GMEB1: variants seen among roughly 807,000 people sequenced by gnomAD.
GMEB1 encodes glucocorticoid modulatory element-binding protein 1.
GMEB1 carries 6 observed loss-of-function variants against 52.4 expected under a neutral mutation model. The observed-to-expected ratio is 0.11, with a 90% CI of 0.06 to 0.23. GMEB1 has a LOEUF of 0.23. GMEB1 is among the 10% of genes least tolerant of loss of function. The pLI, the probability that GMEB1 is intolerant of heterozygous loss-of-function variation, is 1.00. For missense variants in GMEB1, 486 were observed against 685.6 expected (o/e 0.71, Z 3.25); for synonymous variants, 255 against 244.9 (o/e 1.04, Z -0.38).
At position 28,710,480 on chromosome 1, in the gene GMEB1, T is replaced by C. The variant is rs548492759; in HGVS notation, c.869-40T>C. 1,296 of 1,515,346 alleles carry C rather than the reference T, an allele frequency of 8.6e-4. 23 individuals are homozygous for C. The South Asian group carries it at 0.016, about 19-fold the overall frequency. The allele number at this position is 1,515,346 out of a possible 1,614,324, so 93.9% of individuals were successfully genotyped here. A position where few individuals can be genotyped will look rare whatever the true frequency, so the allele number is the denominator to read the frequency against. ...GCACAATGGAGAGTGGTGGAACATA[T>C]CTGTTTTAACTGGACAGGCATGTCT... On this transcript the variant is annotated intron_variant, in intron 8 of 9. Coordinates refer to ENST00000373816, the MANE Select transcript of GMEB1 (RefSeq NM_001319674.2).
intron 5 of GMEB1, 68 bp from the exon 6 acceptor site, chr1:28,696,859 C>A: frequency 1.6e-6 from 2 of 1,233,128 alleles, no homozygotes; most frequent in Non-Finnish European, 2.3e-6. Context: ...CCCTATTTTT[C>A]CCTGAGGCCT....
At chr1:28,704,169 C>T (rs1670641283) in intron 7 of GMEB1, 23 bp from the exon 8 acceptor site, 2 of 1,586,670 alleles carry the variant, frequency 1.3e-6, no homozygotes, top group Non-Finnish European at 1.7e-6. Context: ...TTTTTACCCT[C>T]TGTCTTATCC....
chr1:28,677,046 T>G (rs553442270), intron 1 of GMEB1, among the ~76,000 whole-genome samples: 1 of 152,294 alleles, frequency 6.6e-6, no homozygotes, highest in South Asian at 2.1e-4. Context: ...AAATCGAGAC[T>G]TTGTCTCAAA....
intron 6 of GMEB1, among the ~76,000 whole-genome samples, chr1:28,701,676 C>A (rs1670524751): frequency 6.6e-6 from 1 of 152,062 alleles, no homozygotes; most frequent in South Asian, 2.1e-4. Flanking sequence ...TCAGGTGATT[C>A]TCCCACCTCA....
chr1:28,690,702 C>T (rs1035946441), intron 3 of GMEB1, among the ~76,000 whole-genome samples: 6 of 152,122 alleles, frequency 3.9e-5, no homozygotes, highest in South Asian at 2.1e-4. Context: ...AACATCTGGT[C>T]GAGCGCAGTG....
Position 28,673,866 on chromosome 1 carries a change from T to C in GMEB1, c.-31+5027T>C, listed in dbSNP as rs1377089099. 2.7e-5 allele frequency among the ~76,000 whole-genome samples: 4 copies of C among 150,868 alleles called. 1 individual carries two copies. The highest frequency in any genetic ancestry group is 5.9e-5 in the Non-Finnish European group (4 of 67,416). ...TCATGTCTACAAAGAAGTAAAGAAA[T>C]TAGGCCAGGCGTGGTGTCTCATGCC... On this transcript the variant is annotated intron_variant, in intron 1 of 9. Coordinates refer to ENST00000373816, the MANE Select transcript of GMEB1 (RefSeq NM_001319674.2).
At position 28,711,644 on chromosome 1, in the gene GMEB1, G is replaced by A. The variant is rs111959298; in HGVS notation, c.991+1002G>A. Among the ~76,000 whole-genome samples the A allele has an allele frequency of 6.5e-3, 993 of 152,026 alleles. 10 individuals carry two copies. Among genetic ancestry groups the A allele is most frequent in the Middle Eastern group, 0.01 (3 of 294 alleles). ...GCTGTTTTGTATTTTTGGTAGAGAT[G>A]GGGTTTTACCACATTGCCCAGGCTG... On this transcript the variant is annotated intron_variant, in intron 9 of 9. Transcript: ENST00000373816.
chr1:28,709,907 G>C (rs1222963870), intron 8 of GMEB1, among the ~76,000 whole-genome samples: 1 of 152,060 alleles, frequency 6.6e-6, no homozygotes, highest in African/African-American at 2.4e-5. Context: ...TCAGCACTTT[G>C]GGAGGCTGAG....
At chr1:28,680,784 G>A (rs1478648883) in intron 1 of GMEB1, among the ~76,000 whole-genome samples, 1 of 151,168 alleles carries the variant, frequency 6.6e-6, no homozygotes, top group Non-Finnish European at 1.5e-5. Context: ...CAGGCATGGT[G>A]GCTCATCCCA....
At position 28,718,415 on chromosome 1, in the gene GMEB1, TAGCC is replaced by T. The variant is rs1671324724; in HGVS notation, c.*3645_*3648del. ...GAGTTTAAGACTAGCCTGGTCAACA[TAGCC>T]AGACCCCATCTCTATAAAAAAATGT... On this transcript the variant is annotated 3_prime_UTR_variant, in exon 10 of 10. Transcript: ENST00000373816. 6.6e-6 allele frequency: 1 copy of T among 152,172 alleles called. No homozygotes were observed. The highest frequency in any genetic ancestry group is 2.4e-5 in the African/African-American group (1 of 41,440). 9.4% of individuals were successfully genotyped at this position (152,172 alleles called of 1,614,324 possible). A position where few individuals can be genotyped will look rare whatever the true frequency, so the allele number is the denominator to read the frequency against.
intron 1 of GMEB1, among the ~76,000 whole-genome samples, chr1:28,678,681 C>T (rs942034246): frequency 2.0e-5 from 3 of 152,066 alleles, no homozygotes; most frequent in African/African-American, 7.2e-5. Flanking sequence ...TGCAGTGGCA[C>T]GATCTTGGCT....
Position 28,713,568 on chromosome 1 carries a change from ACTT to A in GMEB1, c.992-499_992-497del, listed in dbSNP as rs375404387. ...TCTTTTAGTTCTGTAATTTTTAGGG[ACTT>A]CTTCTATAACTTTCTGTAGACCTTC... On this transcript the variant is annotated intron_variant, in intron 9 of 9. Transcript: ENST00000373816. Among the ~76,000 whole-genome samples the A allele has an allele frequency of 2.8e-3, 427 of 152,240 alleles. 1 individual carries two copies. The highest frequency in any genetic ancestry group is 9.8e-3 in the African/African-American group (409 of 41,536).
At chr1:28,669,736 C>G (rs1436130446) in intron 1 of GMEB1, among the ~76,000 whole-genome samples, 1 of 151,940 alleles carries the variant, frequency 6.6e-6, no homozygotes, top group African/African-American at 2.4e-5. Flanking sequence ...GTAACCCGCT[C>G]GGTCAGGGGA....
At position 28,704,338 on chromosome 1, in the gene GMEB1, A is replaced by G; in HGVS notation, c.868+9A>G. On this transcript the variant is annotated intron_variant, in intron 8 of 9. Transcript: ENST00000373816. ...TCCCTTCCAAGTCACAGGTAAGTGCACTAATCCTAACAGTAGCAGTGATTT... is the reference window on the plus strand; with the variant it reads ...TCCCTTCCAAGTCACAGGTAAGTGCGCTAATCCTAACAGTAGCAGTGATTT... 3.1e-6 allele frequency: 5 copies of G among 1,607,464 alleles called. No individual in the cohort carries two copies. The highest frequency in any genetic ancestry group is 3.4e-6 in the Non-Finnish European group (4 of 1,176,982).
At chr1:28,710,681 C>G in intron 9 of GMEB1, 39 bp downstream of exon 9, 1 of 1,365,964 alleles carries the variant, frequency 7.3e-7, no homozygotes, top group Non-Finnish European at 9.6e-7. Flanking sequence ...TGATATCATG[C>G]TAATATTCTT....
rs74065040 is a variant in GMEB1 at position 28,696,840 on chromosome 1, C to T, written c.441-87C>T. 169 of 992,574 alleles carry T rather than the reference C, an allele frequency of 1.7e-4. No homozygotes were observed. In the African/African-American group the frequency reaches 2.6e-3, roughly 15 times the overall value. The allele number at this position is 992,574 out of a possible 1,614,324, so 61.5% of individuals were successfully genotyped here. ...TCACTAATCTACACAGTAGGCTCAG[C>T]AGTGTTGTCCCTATTTTTCCCTGAG... On this transcript the variant is annotated intron_variant, in intron 5 of 9. Coordinates refer to ENST00000373816, the MANE Select transcript of GMEB1 (RefSeq NM_001319674.2).
At chr1:28,710,994 A>C (rs1258446661) in intron 9 of GMEB1, among the ~76,000 whole-genome samples, 2 of 152,098 alleles carry the variant, frequency 1.3e-5, no homozygotes, top group Non-Finnish European at 2.9e-5. Context: ...TAAATTTAGC[A>C]CTTTCTCCAT....
At chr1:28,678,136 A>G (rs1669236768) in intron 1 of GMEB1, among the ~76,000 whole-genome samples, 1 of 151,350 alleles carries the variant, frequency 6.6e-6, no homozygotes, top group Non-Finnish European at 1.5e-5. Context: ...GTGAGCCTAG[A>G]TCACACCACA....
At chr1:28,691,804 T>A in intron 4 of GMEB1, 95 bp downstream of exon 4, 1 of 238,284 alleles carries the variant, frequency 4.2e-6, no homozygotes. Context: ...ACTATATCAG[T>A]TTTATTTATT....
Sources: allele counts gnomAD v4.1 joint callset (sites outside exome capture counted in the v4.1 genomes callset), GRCh38; gene constraint gnomAD v4.1.1; transcripts MANE v1.5; gene names NCBI Gene and HGNC (gene_info 2026-07-23, HGNC 2026-07-21).